The following ZNF469 variants were observed in gnomAD, a reference collection of about 807,000 sequenced individuals.
ZNF469 encodes the protein zinc finger protein 469.
A neutral mutation model predicts 1.0 loss-of-function variants in ZNF469; 1 was observed. The observed-to-expected ratio is 1.00, with a 90% CI of 0.35 to 4.73. ZNF469 has a LOEUF of 4.73. Among genes scored for constraint, ZNF469 ranks in the 30% most tolerant of loss-of-function variants. The probability of loss-of-function intolerance (pLI) is 0.16; values close to 1 mark genes in which losing one functional copy is unlikely to be tolerated. For missense variants in ZNF469, 6,100 were observed against 5,356.3 expected (o/e 1.14, Z -4.33); for synonymous variants, 2,703 against 2,363.4 (o/e 1.14, Z -4.17).
the ZNF469 span, among the ~76,000 whole-genome samples, chr16:88,217,109 G>C: frequency 6.6e-6 from 1 of 152,056 alleles, no homozygotes; most frequent in Admixed American, 6.6e-5. Flanking sequence ...GTTTTTGGTC[G>C]TGTGGTCCTG....
the ZNF469 span, among the ~76,000 whole-genome samples, chr16:88,193,269 G>A: frequency 1.4e-5 from 2 of 144,138 alleles, no homozygotes; most frequent in Admixed American, 1.4e-4. Flanking sequence ...TGGTGGTAGT[G>A]GTGATGGTGG....
At chr16:88,361,603 G>C in the ZNF469 span, among the ~76,000 whole-genome samples, 578 of 151,814 alleles carry the variant, frequency 3.8e-3, 3 homozygotes, top group Middle Eastern at 0.017. Context: ...CTGGATACAA[G>C]TGCTTTGTCA....
the ZNF469 span, among the ~76,000 whole-genome samples, chr16:88,218,039 C>A: frequency 7.2e-6 from 1 of 138,326 alleles, no homozygotes; most frequent in Non-Finnish European, 1.6e-5. Flanking sequence ...AATGGTTGAA[C>A]TAGTTTACAG....
intron 1 of ZNF469, among the ~76,000 whole-genome samples, chr16:88,392,990 T>C (rs1904531584): frequency 1.3e-5 from 2 of 152,190 alleles, no homozygotes; most frequent in Non-Finnish European, 2.9e-5. Context: ...GTCCGCCAGG[T>C]CCTGGCACAG....
At chr16:88,119,313 G>C in the ZNF469 span, among the ~76,000 whole-genome samples, 1 of 152,158 alleles carries the variant, frequency 6.6e-6, no homozygotes. Flanking sequence ...CTTCATCCCC[G>C]CACTCTTCCT....
Position 88,435,898 on chromosome 16 carries a change from G to A in ZNF469, c.8428G>A (p.Ala2810Thr), listed in dbSNP as rs1172890077. 3.2e-6 allele frequency: 5 copies of A among 1,549,960 alleles called. No homozygotes were observed. The highest frequency in any genetic ancestry group is 4.4e-6 in the Non-Finnish European group (5 of 1,146,984). The stretch of plus-strand genomic sequence containing the variant: ...TTTTCCCGAGACTTCCAGCTCTCCG[G>A]CGGACAGCACCACCAGCAGCTGCCT... The part of the protein sequence containing the change: ...LGFPETSSSP[A>T]DSTTSSCLQG... Residue 2810 changes from alanine (A) to threonine (T), a missense_variant, in exon 3 of 3, where the codon GCG (alanine) becomes ACG (threonine). By Grantham distance (58) the Ala-to-Thr change is moderately conservative. Transcript: ENST00000565624.
In ZNF469 at chr16:88,440,237, G is replaced by T. The variant is rs555660063; in HGVS notation, c.*905G>T. On this transcript the variant is annotated 3_prime_UTR_variant, in exon 3 of 3. Transcript: ENST00000565624. Reference sequence around the variant, plus strand: ...ATTGGGTGGGACAGACGGGGTCAGGGAGGCCCCACCATGGCTTGTCGAGGG... The same window carrying T: ...ATTGGGTGGGACAGACGGGGTCAGGTAGGCCCCACCATGGCTTGTCGAGGG... 2 of 151,154 alleles carry T rather than the reference G, an allele frequency of 1.3e-5. No individual in the cohort carries two copies. The highest frequency in any genetic ancestry group is 4.9e-5 in the African/African-American group (2 of 40,666). 9.4% of individuals were successfully genotyped at this position (151,154 alleles called of 1,614,324 possible). A position where few individuals can be genotyped will look rare whatever the true frequency, so the allele number is the denominator to read the frequency against.
chr16:88,353,325 G>A, the ZNF469 span, among the ~76,000 whole-genome samples: 3 of 152,088 alleles, frequency 2.0e-5, no homozygotes, highest in African/African-American at 7.3e-5. Flanking sequence ...AGGAACCACC[G>A]ATGGCTTCTG....
rs1336285851 is a variant in ZNF469 at position 88,383,263 on chromosome 16, G to A, written c.-192+9G>A. On this transcript the variant is annotated intron_variant, in intron 1 of 2. Coordinates refer to ENST00000565624, the MANE Select transcript of ZNF469 (RefSeq NM_001367624.2). ...CGGGCCTCGGAGCGGAGGTGAGTGCGGATGCGCCGCCTGGGCGCGCGCGGT... is the reference window on the plus strand; with the variant it reads ...CGGGCCTCGGAGCGGAGGTGAGTGCAGATGCGCCGCCTGGGCGCGCGCGGT... Among the ~76,000 whole-genome samples, 3 of 147,164 alleles carry A rather than the reference G, an allele frequency of 2.0e-5. No homozygotes were observed. The East Asian group carries it at 5.9e-4, about 29-fold the overall frequency.
intron 1 of ZNF469, among the ~76,000 whole-genome samples, chr16:88,399,662 G>A (rs963782413): frequency 6.6e-6 from 1 of 152,218 alleles, no homozygotes; most frequent in Non-Finnish European, 1.5e-5. Context: ...AGCAGAACAC[G>A]CTTGCTGTGG....
chr16:88,259,610 A>G, the ZNF469 span, among the ~76,000 whole-genome samples: 3 of 152,072 alleles, frequency 2.0e-5, no homozygotes, highest in Non-Finnish European at 4.4e-5. This position sits in a 1 kb window ranked among gnomAD's most constrained non-coding sequence, Gnocchi z 4.1. Flanking sequence ...AATCCCTATG[A>G]GCCCCAGGAT....
Position 88,438,781 on chromosome 16 carries a change from C to G in ZNF469, c.11311C>G (p.Pro3771Ala), listed in dbSNP as rs1463561150. The G allele has an allele frequency of 4.5e-6, 7 of 1,550,112 alleles. No individual in the cohort carries two copies. Among genetic ancestry groups the G allele is most frequent in the Non-Finnish European group, 6.1e-6 (7 of 1,146,928 alleles). ...TATTPAKPSF[P>A]SRSPAPERLP... ...CACCACCCCAGCCAAGCCCAGCTTC[C>G]CCAGCCGGAGCCCTGCACCAGAGAG... Residue 3771 changes from proline to alanine, a missense_variant, in exon 3 of 3, where the codon CCC (proline) becomes GCC (alanine). Pro to Ala is a conservative substitution (Grantham distance 27, BLOSUM62 -1). Transcript: ENST00000565624.
chr16:88,156,283 G>C, the ZNF469 span, among the ~76,000 whole-genome samples: 1 of 152,120 alleles, frequency 6.6e-6, no homozygotes, highest in South Asian at 2.1e-4. Flanking sequence ...GATGCTTTTG[G>C]TGTCATATAT....
At chr16:88,166,800 C>CACACACACACACACACACAA in the ZNF469 span, among the ~76,000 whole-genome samples, 208 of 151,674 alleles carry the variant, frequency 1.4e-3, no homozygotes, top group African/African-American at 4.7e-3. The surrounding 1 kb of genome is among the most constrained non-coding windows in gnomAD (Gnocchi z 4.5). Flanking sequence ...CACACACACA[C>CACACACACACACACACACAA]AAATACATAT....
chr16:88,220,138 GCCTCATTC>G, the ZNF469 span, among the ~76,000 whole-genome samples: 11 of 152,156 alleles, frequency 7.2e-5, no homozygotes, highest in Non-Finnish European at 1.6e-4. Context: ...CCCCATGGTG[GCCTCATTC>G]CCACCCAGAA....
the ZNF469 span, among the ~76,000 whole-genome samples, chr16:88,274,793 T>G: frequency 8.5e-5 from 13 of 152,360 alleles, no homozygotes; most frequent in Non-Finnish European, 1.5e-5. Flanking sequence ...CTCGCCGTAT[T>G]GCCTTAGCCC....
the ZNF469 span, among the ~76,000 whole-genome samples, chr16:88,153,379 T>C: frequency 7.2e-5 from 11 of 152,330 alleles, no homozygotes; most frequent in African/African-American, 2.6e-4. Flanking sequence ...AGAGTCTCCG[T>C]TGTCTCTTCC....
chr16:88,226,353 G>A, the ZNF469 span, among the ~76,000 whole-genome samples: 1 of 152,076 alleles, frequency 6.6e-6, no homozygotes, highest in Non-Finnish European at 1.5e-5. Flanking sequence ...GAGAGGCGTA[G>A]GGGAGAGGCC....
Position 88,429,871 on chromosome 16 carries a change from G to A in ZNF469, c.2401G>A (p.Gly801Arg), listed in dbSNP as rs1236404251. The part of the protein sequence containing the change: ...LSHAKTFLLA[G>R]DAQAEGKDDP... ...CCACGCGAAGACCTTCCTGTTAGCTGGGGACGCCCAGGCCGAGGGCAAAGA... is the reference window on the plus strand; with the variant it reads ...CCACGCGAAGACCTTCCTGTTAGCTAGGGACGCCCAGGCCGAGGGCAAAGA... The change falls in exon 3 of 3, where the codon GGG becomes AGG. Residue 801 changes from glycine to arginine, a missense_variant. Coordinates refer to ENST00000565624, the MANE Select transcript of ZNF469 (RefSeq NM_001367624.2). 2.6e-6 allele frequency: 4 copies of A among 1,550,100 alleles called. No individual in the cohort carries two copies. Among genetic ancestry groups the A allele is most frequent in the African/African-American group, 1.4e-5 (1 of 73,166 alleles).
Sources: allele counts gnomAD v4.1 joint callset (sites outside exome capture counted in the v4.1 genomes callset), GRCh38; gene constraint gnomAD v4.1.1; non-coding constraint Gnocchi (gnomAD v3.1); transcripts MANE v1.5; gene names NCBI Gene and HGNC (gene_info 2026-07-23, HGNC 2026-07-21).